Variants in NAA38 observed in about 807,000 individuals in gnomAD.
The protein encoded by NAA38 is LSM domain containing 1.
Under a neutral mutation model 12.6 loss-of-function variants are expected in NAA38, and 15 were observed. That is an observed-to-expected ratio of 1.19 (90% confidence interval 0.79 to 1.83). The LOEUF (loss-of-function observed/expected upper bound fraction) is 1.83. Among genes scored for constraint, NAA38 ranks in the 40% most tolerant of loss-of-function variants. NAA38 has a pLI of 0.00. For synonymous variants in NAA38, 88 were observed against 69.9 expected (o/e 1.26, Z -1.29); for missense variants, 183 against 171.7 (o/e 1.07, Z -0.37).
intron 2 of NAA38, among the ~76,000 whole-genome samples, chr17:7,876,066 T>C (rs2151391783): frequency 6.6e-6 from 1 of 152,354 alleles, no homozygotes. Flanking sequence ...TTACACTTTT[T>C]GGCTATTATG....
At position 7,867,622 on chromosome 17, in the gene NAA38, G is replaced by A. The variant is rs536034775; in HGVS notation, c.-65-1064C>T. Among the ~76,000 whole-genome samples the A allele has an allele frequency of 4.1e-4, 62 of 152,362 alleles. No individual in the cohort carries two copies. In the South Asian group the frequency reaches 7.7e-3, roughly 19 times the overall value. On this transcript the variant is annotated intron_variant, in intron 2 of 4. Transcript: ENST00000576861. ...GCTGGGATTACAGGTGTGAGCCACT[G>A]TACCTGGCCCAGAGTTAAGGGTTTT...
At chr17:7,873,257 A>AC (rs1567817894) in intron 2 of NAA38, among the ~76,000 whole-genome samples, 1 of 152,344 alleles carries the variant, frequency 6.6e-6, no homozygotes, top group East Asian at 1.9e-4. Context: ...TTGAACAGGG[A>AC]CTGACAAGGA....
At chr17:7,877,654 G>A (rs1174897696) in intron 2 of NAA38, among the ~76,000 whole-genome samples, 1 of 152,140 alleles carries the variant, frequency 6.6e-6, no homozygotes, top group African/African-American at 2.4e-5. Context: ...CTATGCATAA[G>A]TATGGTGACT....
upstream of NAA38, chr17:7,860,776 A>G (rs2078877309): frequency 6.6e-6 from 1 of 152,188 alleles, no homozygotes; most frequent in Non-Finnish European, 1.5e-5. Context: ...AAGGAAGGCT[A>G]AGTGTCAGTT....
At chr17:7,866,709 C>T (rs1038897780) in intron 2 of NAA38, among the ~76,000 whole-genome samples, 1 of 152,104 alleles carries the variant, frequency 6.6e-6, no homozygotes, top group Non-Finnish European at 1.5e-5. Context: ...TGTCAAGTCC[C>T]TTAACACGCC....
chr17:7,871,699 G>A (rs1274121872), intron 2 of NAA38, among the ~76,000 whole-genome samples: 1 of 152,180 alleles, frequency 6.6e-6, no homozygotes, highest in Non-Finnish European at 1.5e-5. Context: ...CTGTCGCCCA[G>A]GCTGGAGTGC....
chr17:7,867,321 A>ACAATT (rs147127737), intron 2 of NAA38, among the ~76,000 whole-genome samples: 44,900 of 151,270 alleles, frequency 0.3, 7,796 homozygotes, highest in East Asian at 0.82. Context: ...TTTATAGTGT[A>ACAATT]CAGAGTTAAG....
At chr17:7,875,745 ATCCAGAAT>A (rs1269162405) in intron 2 of NAA38, among the ~76,000 whole-genome samples, 1 of 152,170 alleles carries the variant, frequency 6.6e-6, no homozygotes, top group Non-Finnish European at 1.5e-5. Flanking sequence ...TATCACCATT[ATCCAGAAT>A]TCCAGACATT....
chr17:7,884,683 G>GGAC (rs1243441430), intron 1 of NAA38: 17 of 393,482 alleles, frequency 4.3e-5, no homozygotes, highest in Non-Finnish European at 1.8e-5. Context: ...AGGAGGAGGA[G>GGAC]GACGCCGCCG....
intron 1 of NAA38, among the ~76,000 whole-genome samples, chr17:7,883,988 C>T (rs555553165): frequency 3.9e-4 from 59 of 151,932 alleles, no homozygotes; most frequent in Non-Finnish European, 7.8e-4. Context: ...CTGATTAATG[C>T]CCCCCCTCAA....
upstream of NAA38, chr17:7,858,139 C>T: frequency 6.2e-7 from 1 of 1,613,388 alleles, no homozygotes. Context: ...AGAGCCATGC[C>T]GCGCCGGGGC....
upstream of NAA38, chr17:7,857,666 G>A: frequency 1.5e-6 from 2 of 1,328,612 alleles, no homozygotes; most frequent in Non-Finnish European, 1.9e-6. Flanking sequence ...TACTACGCCG[G>A]ATGTCTTAAG....
At chr17:7,878,918 T>C (rs551234834) in intron 2 of NAA38, among the ~76,000 whole-genome samples, 1 of 151,804 alleles carries the variant, frequency 6.6e-6, no homozygotes, top group Admixed American at 6.6e-5. Context: ...TTTAACATTA[T>C]AAATATGTAT....
upstream of NAA38, chr17:7,857,662 G>C: frequency 7.5e-7 from 1 of 1,339,918 alleles, no homozygotes; most frequent in South Asian, 2.2e-5. Context: ...AGCGTACTAC[G>C]CCGGATGTCT....
At chr17:7,867,039 A>C (rs1966995740) in intron 2 of NAA38, among the ~76,000 whole-genome samples, 1 of 152,206 alleles carries the variant, frequency 6.6e-6, no homozygotes, top group Non-Finnish European at 1.5e-5. Context: ...GACAAGGAGG[A>C]GTCAGTCAAG....
intron 2 of NAA38, among the ~76,000 whole-genome samples, chr17:7,867,255 T>G (rs1281304418): frequency 6.6e-6 from 1 of 151,430 alleles, no homozygotes; most frequent in Non-Finnish European, 1.5e-5. Context: ...GTAAACCAGG[T>G]TAAGTTTTAT....
chr17:7,872,816 C>T (rs1487781221), intron 2 of NAA38, among the ~76,000 whole-genome samples: 1 of 152,158 alleles, frequency 6.6e-6, no homozygotes, highest in Non-Finnish European at 1.5e-5. Context: ...TAAAGTATCA[C>T]CTTTGCCATA....
rs377079849 is a variant in NAA38, at chr17:7,884,457, C to CATATATATATATATAT, written c.-167+692_-167+707dup. Among the ~76,000 whole-genome samples, 69 of 130,826 alleles carry CATATATATATATATAT rather than the reference C, an allele frequency of 5.3e-4. 1 individual carries two copies. The East Asian group carries it at 0.012, about 24-fold the overall frequency. The allele number at this position is 130,826 out of a possible 152,430, so 85.8% of individuals were successfully genotyped here. A position where few individuals can be genotyped will look rare whatever the true frequency, so the allele number is the denominator to read the frequency against. On this transcript the variant is annotated intron_variant, in intron 1 of 4. Transcript: ENST00000576861. Reference sequence around the variant, plus strand: ...GAAGTCGAAAACTTTTATATATATACATATATATATATATATATATGTATA... The same window carrying CATATATATATATATAT: ...GAAGTCGAAAACTTTTATATATATACATATATATATATATATATATATATATATATATATATGTATA...
upstream of NAA38, chr17:7,858,900 A>T: frequency 1.5e-6 from 2 of 1,339,690 alleles, no homozygotes; most frequent in Non-Finnish European, 2.0e-6. Context: ...CTTCAGGGCA[A>T]CATTTTTTCC....
Sources: gnomAD v4.1 joint callset for allele counts (sites outside exome capture counted in the v4.1 genomes callset) on GRCh38, gnomAD v4.1.1 for gene constraint, MANE v1.5 for transcripts, NCBI Gene and HGNC (gene_info 2026-07-23, HGNC 2026-07-21) for gene names.